ASIC2: variants seen among roughly 807,000 people sequenced by gnomAD.
ASIC2 encodes acid-sensing ion channel 2.
A neutral mutation model predicts 57.3 loss-of-function variants in ASIC2; 25 were observed. That is an observed-to-expected ratio of 0.44 (90% confidence interval 0.32 to 0.61). The LOEUF (loss-of-function observed/expected upper bound fraction) is 0.61. ASIC2 is among the 20% of genes least tolerant of loss of function. The probability of loss-of-function intolerance (pLI) is 0.06; values close to 1 mark genes in which losing one functional copy is unlikely to be tolerated. For missense variants in ASIC2, 641 were observed against 738.1 expected (o/e 0.87, Z 1.52); for synonymous variants, 319 against 307.5 (o/e 1.04, Z -0.39).
At chr17:33,816,752 C>T (rs533585606) in intron 1 of ASIC2, 12 of 152,228 alleles carry the variant, frequency 7.9e-5, no homozygotes, top group African/African-American at 2.9e-4. Flanking sequence ...AAGAGGCGAA[C>T]CTTTCCCATC....
At position 33,625,171 on chromosome 17, in the gene ASIC2, C is replaced by CTATCTATCTATCTATT. The variant is rs1171154899; in HGVS notation, c.556-513105_556-513104insAATAGATAGATAGATA. On this transcript the variant is annotated intron_variant, in intron 1 of 9. Transcript: ENST00000359872. ...TCTATCTATCTATCTATCTATCTAT[C>CTATCTATCTATCTATT]TATCATCTATTATCTATCTATTATC... 8.4e-4 allele frequency among the ~76,000 whole-genome samples: 128 copies of CTATCTATCTATCTATT among 151,954 alleles called. 1 individual carries two copies. The highest frequency in any genetic ancestry group is 1.5e-3 in the South Asian group (7 of 4,804).
intron 1 of ASIC2, among the ~76,000 whole-genome samples, chr17:33,239,104 A>G (rs1024999083): frequency 6.6e-6 from 1 of 152,066 alleles, no homozygotes; most frequent in Admixed American, 6.6e-5. Context: ...CCACACTGAC[A>G]AACATGTGAA....
At chr17:33,405,839 T>C (rs561029485) in intron 1 of ASIC2, among the ~76,000 whole-genome samples, 2 of 152,194 alleles carry the variant, frequency 1.3e-5, no homozygotes, top group African/African-American at 4.8e-5. Flanking sequence ...CCCTGAACCA[T>C]CTTCTGTTTC....
chr17:33,268,984 A>G (rs1250572043), intron 1 of ASIC2, among the ~76,000 whole-genome samples: 2 of 152,010 alleles, frequency 1.3e-5, no homozygotes, highest in African/African-American at 4.8e-5. Flanking sequence ...CCATCTTTAC[A>G]GAAGGAGGGG....
At chr17:34,123,672 C>A (rs1222997544) in intron 1 of ASIC2, among the ~76,000 whole-genome samples, 1 of 152,222 alleles carries the variant, frequency 6.6e-6, no homozygotes, top group Non-Finnish European at 1.5e-5. Flanking sequence ...CAAGTCTCAG[C>A]TTTTCCGTCT....
upstream of ASIC2, among the ~76,000 whole-genome samples, chr17:33,293,929 T>TATGTGC (rs1905613493): frequency 6.6e-6 from 1 of 152,144 alleles, no homozygotes; most frequent in Non-Finnish European, 1.5e-5. Context: ...TGTGTGTGTG[T>TATGTGC]ATGTGCATGT....
intron 1 of ASIC2, among the ~76,000 whole-genome samples, chr17:33,309,239 G>A (rs1906306419): frequency 1.3e-5 from 2 of 151,622 alleles, no homozygotes; most frequent in African/African-American, 4.9e-5. Context: ...TTGGTCAGAT[G>A]TCGTAGATTG....
At chr17:33,021,417 A>T in intron 6 of ASIC2, 107 bp from the exon 7 acceptor site, 2 of 940,706 alleles carry the variant, frequency 2.1e-6, no homozygotes, top group Non-Finnish European at 3.1e-6. Flanking sequence ...AGGCCCAGGA[A>T]GTGAGGCAGC....
chr17:33,181,315 C>T lies in ASIC2; in HGVS notation c.709-69248G>A, dbSNP rs139557629. On this transcript the variant is annotated intron_variant, in intron 1 of 9. Coordinates refer to ENST00000225823, the MANE Select transcript of ASIC2 (RefSeq NM_183377.2). ...ACACAAAAGTGTTTATAATAATAAA[C>T]ACTTTTAATAACACTTTTATTAAAC... Among the ~76,000 whole-genome samples the T allele has an allele frequency of 1.5e-3, 227 of 152,282 alleles. 1 individual carries two copies. Among genetic ancestry groups the T allele is most frequent in the African/African-American group, 3.6e-3 (148 of 41,550 alleles).
intron 1 of ASIC2, among the ~76,000 whole-genome samples, chr17:33,619,314 G>A (rs894513951): frequency 6.6e-6 from 1 of 152,064 alleles, no homozygotes; most frequent in Non-Finnish European, 1.5e-5. Flanking sequence ...TTCAACATAT[G>A]AAGAGCTTCT....
At chr17:33,303,632 C>A (rs945214817) in intron 1 of ASIC2, among the ~76,000 whole-genome samples, 3 of 152,092 alleles carry the variant, frequency 2.0e-5, no homozygotes, top group Non-Finnish European at 4.4e-5. Flanking sequence ...CTCCCTCTCA[C>A]TTTTCTCTTT....
intron 1 of ASIC2, among the ~76,000 whole-genome samples, chr17:34,033,669 T>C (rs548545076): frequency 1.3e-5 from 2 of 152,260 alleles, no homozygotes; most frequent in East Asian, 1.9e-4. Context: ...CAATAAAAAA[T>C]GATGAAGGGG....
intron 1 of ASIC2, among the ~76,000 whole-genome samples, chr17:33,663,629 T>A (rs1597826740): frequency 6.6e-6 from 1 of 152,258 alleles, no homozygotes; most frequent in African/African-American, 2.4e-5. Context: ...CAGGGCTGAG[T>A]TGAACTGTAT....
chr17:33,207,008 T>C (rs996892477), intron 1 of ASIC2, among the ~76,000 whole-genome samples: 2 of 152,176 alleles, frequency 1.3e-5, no homozygotes, highest in African/African-American at 4.8e-5. Context: ...TGTTTCCTCA[T>C]CTGTCAATTG....
chr17:33,129,403 C>T lies in ASIC2; in HGVS notation c.709-17336G>A, dbSNP rs542377355. 4.5e-4 allele frequency among the ~76,000 whole-genome samples: 69 copies of T among 152,276 alleles called. 1 individual carries two copies. In the South Asian group the frequency reaches 0.013, roughly 28 times the overall value. On this transcript the variant is annotated intron_variant, in intron 1 of 9. Coordinates refer to ENST00000225823, the MANE Select transcript of ASIC2 (RefSeq NM_183377.2). Reference sequence around the variant, plus strand: ...AAAATAGCCGATTTAGAGAGAATCACGCCTGCTATCTGCAAATATTTGAAG... The same window carrying T: ...AAAATAGCCGATTTAGAGAGAATCATGCCTGCTATCTGCAAATATTTGAAG...
chr17:33,367,919 A>G (rs558882421), intron 1 of ASIC2, among the ~76,000 whole-genome samples: 3 of 152,318 alleles, frequency 2.0e-5, no homozygotes, highest in East Asian at 1.9e-4. Context: ...CTTTCTTTCA[A>G]GAAGAGGCCC....
At chr17:33,671,779 G>A (rs1907646183) in intron 1 of ASIC2, among the ~76,000 whole-genome samples, 3 of 152,176 alleles carry the variant, frequency 2.0e-5, no homozygotes, top group Admixed American at 2.0e-4. Context: ...TGAGTCGCGA[G>A]ATGCACCGCT....
intron 1 of ASIC2, among the ~76,000 whole-genome samples, chr17:33,979,694 T>C (rs1483840023): frequency 1.3e-5 from 2 of 152,142 alleles, no homozygotes; most frequent in South Asian, 2.1e-4. Context: ...GAGTGAACCA[T>C]GTTGGCCATT....
intron 1 of ASIC2, among the ~76,000 whole-genome samples, chr17:33,594,914 T>A (rs956789853): frequency 6.6e-6 from 1 of 151,386 alleles, no homozygotes; most frequent in Non-Finnish European, 1.5e-5. Context: ...GTCACACAAT[T>A]TTTTTTTGAA....
Sources: allele counts gnomAD v4.1 joint callset (sites outside exome capture counted in the v4.1 genomes callset), GRCh38; gene constraint gnomAD v4.1.1; transcripts MANE v1.5; gene names NCBI Gene and HGNC (gene_info 2026-07-23, HGNC 2026-07-21).